The following EXOC6B variants were observed in gnomAD, a reference collection of about 807,000 sequenced individuals.
EXOC6B encodes SEC15 homolog B.
In EXOC6B, 54 loss-of-function variants were observed where a neutral mutation model predicts 113.5. That is an observed-to-expected ratio of 0.48 (90% CI 0.38 to 0.60). The LOEUF (loss-of-function observed/expected upper bound fraction) is 0.60. Among genes scored for constraint, EXOC6B ranks in the 20% least tolerant of loss-of-function variants. The probability of loss-of-function intolerance (pLI) is 0.00; values close to 1 mark genes in which losing one functional copy is unlikely to be tolerated. For synonymous variants in EXOC6B, 357 were observed against 339.0 expected, an observed-to-expected ratio of 1.05 and a Z score of -0.58; for missense variants, 797 against 977.5, an observed-to-expected ratio of 0.82 and a Z score of 2.46.
chr2:72,460,562 C>T (rs1311538363), intron 18 of EXOC6B, among the ~76,000 whole-genome samples: 3 of 152,164 alleles, frequency 2.0e-5, no homozygotes, highest in Admixed American at 6.5e-5. Context: ...TGAACAGACA[C>T]TTCTCAAAAG....
intron 5 of EXOC6B, among the ~76,000 whole-genome samples, chr2:72,725,199 T>C (rs1680229002): frequency 6.6e-6 from 1 of 152,150 alleles, no homozygotes; most frequent in South Asian, 2.1e-4. Flanking sequence ...AAAGACATAC[T>C]ACTTACAGGG....
chr2:72,223,573 A>G (rs1231427701), intron 20 of EXOC6B, among the ~76,000 whole-genome samples: 1 of 152,188 alleles, frequency 6.6e-6, no homozygotes, highest in Non-Finnish European at 1.5e-5. Flanking sequence ...TCATCTAATG[A>G]AAAGGGCTTT....
intron 19 of EXOC6B, among the ~76,000 whole-genome samples, chr2:72,343,272 A>T (rs1321236982): frequency 6.6e-6 from 1 of 152,172 alleles, no homozygotes; most frequent in African/African-American, 2.4e-5. Context: ...CTAAAAATAC[A>T]AAAAGTTAGC....
intron 6 of EXOC6B, among the ~76,000 whole-genome samples, chr2:72,599,471 C>T (rs1010863486): frequency 1.3e-5 from 2 of 152,098 alleles, no homozygotes; most frequent in African/African-American, 4.8e-5. Flanking sequence ...TAGATGCTTT[C>T]CTCCTAAGAT....
chr2:72,535,870 CAA>C lies in EXOC6B; in HGVS notation c.916-20746_916-20745del, dbSNP rs35608008. On this transcript the variant is annotated intron_variant, in intron 8 of 21. Coordinates refer to ENST00000272427, the MANE Select transcript of EXOC6B (RefSeq NM_015189.3). Reference sequence around the variant, plus strand: ...GGGCAACGAGAGCAAAATTCTGTCTCAAAAAAAAAAAAAAAAATTATATACAA... The same window carrying C: ...GGGCAACGAGAGCAAAATTCTGTCTCAAAAAAAAAAAAAAATTATATACAA... Among the ~76,000 whole-genome samples the C allele has an allele frequency of 3.5e-3, 461 of 131,452 alleles. 1 individual carries two copies. The highest frequency in any genetic ancestry group is 4.7e-3 in the Non-Finnish European group (297 of 63,388). 86.2% of individuals were successfully genotyped at this position (131,452 alleles called of 152,430 possible).
At chr2:72,666,670 T>C (rs1675413203) in intron 6 of EXOC6B, among the ~76,000 whole-genome samples, 1 of 152,066 alleles carries the variant, frequency 6.6e-6, no homozygotes, top group Non-Finnish European at 1.5e-5. Context: ...ATAAAGGACT[T>C]CAGTAAAGTT....
chr2:72,601,660 A>G (rs1157978592), intron 6 of EXOC6B, among the ~76,000 whole-genome samples: 1 of 152,184 alleles, frequency 6.6e-6, no homozygotes, highest in African/African-American at 2.4e-5. Flanking sequence ...TCCACCAATC[A>G]TGTTCCTAGT....
At chr2:72,619,645 C>T (rs1423252690) in intron 6 of EXOC6B, among the ~76,000 whole-genome samples, 4 of 152,144 alleles carry the variant, frequency 2.6e-5, no homozygotes, top group Non-Finnish European at 5.9e-5. Flanking sequence ...GTGAGAGAGT[C>T]AGCACCAAAG....
intron 7 of EXOC6B, among the ~76,000 whole-genome samples, chr2:72,569,395 A>T (rs1051804182): frequency 6.6e-6 from 1 of 151,876 alleles, no homozygotes; most frequent in Admixed American, 6.6e-5. Context: ...ATTTTTTTGG[A>T]TAGACACCCA....
chr2:72,543,599 T>A (rs1702736711), intron 8 of EXOC6B, among the ~76,000 whole-genome samples: 1 of 152,170 alleles, frequency 6.6e-6, no homozygotes, highest in Non-Finnish European at 1.5e-5. Context: ...CCATGGGTAA[T>A]AAGGTCACCA....
chr2:72,566,150 C>T (rs563510352), intron 7 of EXOC6B, among the ~76,000 whole-genome samples: 1 of 152,118 alleles, frequency 6.6e-6, no homozygotes, highest in Non-Finnish European at 1.5e-5. Flanking sequence ...AGTTCCAGCA[C>T]TTCCCAAAAT....
chr2:72,492,505 T>G, intron 15 of EXOC6B, 76 bp from the exon 16 acceptor site: 1 of 798,874 alleles, frequency 1.3e-6, no homozygotes, highest in Non-Finnish European at 2.2e-6. Flanking sequence ...CCAGTGGTAT[T>G]CGTGGTAATA....
At chr2:72,286,530 T>C (rs1158692289) in intron 20 of EXOC6B, among the ~76,000 whole-genome samples, 1 of 152,172 alleles carries the variant, frequency 6.6e-6, no homozygotes, top group Non-Finnish European at 1.5e-5. Context: ...CAGAGGATTT[T>C]AGGGCATCAA....
intron 1 of EXOC6B, among the ~76,000 whole-genome samples, chr2:72,778,359 A>G (rs747426102): frequency 6.6e-6 from 1 of 152,212 alleles, no homozygotes; most frequent in Non-Finnish European, 1.5e-5. Context: ...AGCTAAAACT[A>G]AACAAAACAA....
intron 18 of EXOC6B, among the ~76,000 whole-genome samples, chr2:72,404,559 C>T (rs1693592105): frequency 6.6e-6 from 1 of 152,194 alleles, no homozygotes; most frequent in Non-Finnish European, 1.5e-5. Flanking sequence ...CCAATATTCA[C>T]TGTTCTGCAG....
At chr2:72,277,458 T>C (rs1246412623) in intron 20 of EXOC6B, among the ~76,000 whole-genome samples, 2 of 151,996 alleles carry the variant, frequency 1.3e-5, no homozygotes, top group Non-Finnish European at 2.9e-5. Context: ...GCTAGTAAGA[T>C]ATGGATGTTG....
intron 20 of EXOC6B, among the ~76,000 whole-genome samples, chr2:72,229,321 G>A (rs554162075): frequency 9.9e-5 from 15 of 152,246 alleles, no homozygotes; most frequent in African/African-American, 3.4e-4. Flanking sequence ...AACAGTGATG[G>A]GAGCATTTAC....
rs527966880 is a variant in EXOC6B at position 72,750,465 on chromosome 2, G to T, written c.114-8996C>A. ...TATTTTATAGCCATACAGAGAAAAAGAGACATGGCCTATTGCCCACACAAG... is the reference window on the plus strand; with the variant it reads ...TATTTTATAGCCATACAGAGAAAAATAGACATGGCCTATTGCCCACACAAG... On this transcript the variant is annotated intron_variant, in intron 1 of 21. Transcript: ENST00000272427. Among the ~76,000 whole-genome samples, 17 of 152,158 alleles carry T rather than the reference G, an allele frequency of 1.1e-4. No homozygotes were observed. In the South Asian group the frequency reaches 3.5e-3, roughly 32 times the overall value.
chr2:72,597,302 A>G (rs1670134423), intron 6 of EXOC6B, among the ~76,000 whole-genome samples: 1 of 151,752 alleles, frequency 6.6e-6, no homozygotes. Context: ...AAGGAACTAG[A>G]GGGAGGAACT....
Sources: allele counts gnomAD v4.1 joint callset (sites outside exome capture counted in the v4.1 genomes callset), GRCh38; gene constraint gnomAD v4.1.1; transcripts MANE v1.5; gene names NCBI Gene and HGNC (gene_info 2026-07-23, HGNC 2026-07-21).